Variants in NOTCH1 observed in about 807,000 individuals in gnomAD.
The protein encoded by NOTCH1 is neurogenic locus notch homolog protein 1.
A neutral mutation model predicts 254.8 loss-of-function variants in NOTCH1; 37 were observed. The observed-to-expected ratio is 0.15, with a 90% CI of 0.11 to 0.19. NOTCH1 has a LOEUF of 0.19. NOTCH1 is among the 10% of genes least tolerant of loss of function. NOTCH1 has a pLI of 1.00. For synonymous variants in NOTCH1, 1,731 were observed against 1,618.1 expected, an observed-to-expected ratio of 1.07 and a Z score of -1.68; for missense variants, 2,972 against 3,708.6, an observed-to-expected ratio of 0.80 and a Z score of 5.16.
rs1225363658 is a variant in NOTCH1, at chr9:136,522,889, G to A, written c.703C>T (p.Pro235Ser). ...CACTCGTGGGTGACGTCGCCCGTGG[G>A]GCGGCAGGTGCCCCCGTTCTGGCAG... is the stretch of plus-strand genomic sequence containing the variant. ...SPCQNGGTCR[P>S]TGDVTHECAC... Residue 235 changes from proline to serine, a missense_variant, in exon 4 of 34, where the codon CCC becomes TCC. Coordinates refer to ENST00000651671, the MANE Select transcript of NOTCH1 (RefSeq NM_017617.5). 2 of 1,533,242 alleles carry A rather than the reference G, an allele frequency of 1.3e-6. No homozygotes were observed. Among genetic ancestry groups the A allele is most frequent in the Non-Finnish European group, 8.8e-7 (1 of 1,138,322 alleles). 95.0% of individuals were successfully genotyped at this position (1,533,242 alleles called of 1,614,324 possible).
intron 25 of NOTCH1, 64 bp from the exon 26 acceptor site, chr9:136,505,168 C>T (rs1371767549): frequency 3.9e-6 from 6 of 1,557,890 alleles, no homozygotes; most frequent in East Asian, 2.3e-5. Context: ...CCGTCCGGTG[C>T]CTCCAGCCCA....
At chr9:136,541,975 A>T (rs537523823) in intron 2 of NOTCH1, among the ~76,000 whole-genome samples, 14 of 152,238 alleles carry the variant, frequency 9.2e-5, no homozygotes, top group Non-Finnish European at 1.5e-4. Context: ...CAAAGGGGAC[A>T]AGGCCAGGCA....
At chr9:136,529,740 G>T (rs1843528380) in intron 2 of NOTCH1, among the ~76,000 whole-genome samples, 1 of 152,276 alleles carries the variant, frequency 6.6e-6, no homozygotes, top group Non-Finnish European at 1.5e-5. Flanking sequence ...GCAGCCGCTG[G>T]GTCTTTCTTC....
At chr9:136,517,188 C>A in intron 9 of NOTCH1, 84 bp downstream of exon 9, 1 of 860,458 alleles carries the variant, frequency 1.2e-6, no homozygotes. Context: ...GGCCCGGGGG[C>A]AGGGGACACA....
chr9:136,539,018 G>C (rs1314035243), intron 2 of NOTCH1, among the ~76,000 whole-genome samples: 1 of 152,186 alleles, frequency 6.6e-6, no homozygotes, highest in Non-Finnish European at 1.5e-5. Context: ...GCCCATCACA[G>C]GTGCAGGGAA....
In NOTCH1 at chr9:136,518,783, G is replaced by T. The variant is rs750568399; in HGVS notation, c.907C>A (p.Pro303Thr). ...GTCCCGCCGTTCTGGCAGGCATTTG[G>T]CATCAGCTGGCACTCGTCCACATCC... ...TEDVDECQLM[P>T]NACQNGGTCH... is the part of the protein sequence containing the mutation. Residue 303 changes from proline to threonine, a missense_variant, in exon 6 of 34, where the codon CCA (proline) becomes ACA (threonine). Coordinates refer to ENST00000651671, the MANE Select transcript of NOTCH1 (RefSeq NM_017617.5). 1.2e-6 allele frequency: 2 copies of T among 1,612,836 alleles called. No homozygotes were observed. Among genetic ancestry groups the T allele is most frequent in the Non-Finnish European group, 1.7e-6 (2 of 1,179,988 alleles).
At chr9:136,516,400 A>C (rs1396725811) in intron 9 of NOTCH1, among the ~76,000 whole-genome samples, 1 of 152,160 alleles carries the variant, frequency 6.6e-6, no homozygotes, top group Non-Finnish European at 1.5e-5. Flanking sequence ...TGGGACGGGT[A>C]ATCTATGTCT....
At chr9:136,515,260 C>T (rs377286281) in intron 12 of NOTCH1, 30 bp downstream of exon 12, 244 of 1,593,360 alleles carry the variant, frequency 1.5e-4, no homozygotes, top group Non-Finnish European at 1.9e-4. Flanking sequence ...GAGCACAGTG[C>T]AGTCAGCCCC....
chr9:136,532,635 C>T (rs1013081605), intron 2 of NOTCH1, among the ~76,000 whole-genome samples: 5 of 152,310 alleles, frequency 3.3e-5, no homozygotes, highest in Admixed American at 3.3e-4. Flanking sequence ...CAAAAGAAGG[C>T]GCAACAATTC....
chr9:136,520,125 G>A (rs1455067305), intron 4 of NOTCH1, among the ~76,000 whole-genome samples: 2 of 150,848 alleles, frequency 1.3e-5, no homozygotes, highest in African/African-American at 2.4e-5. Context: ...CCCCTCCCCC[G>A]AGGTATGGCC....
intron 17 of NOTCH1, 161 bp downstream of exon 17, chr9:136,510,492 T>C (rs1843161507): frequency 7.4e-6 from 7 of 951,062 alleles, no homozygotes; most frequent in Non-Finnish European, 8.0e-6. Flanking sequence ...TGAACCACCC[T>C]GGCCATCCCT....
In NOTCH1 at chr9:136,506,464, C is replaced by A. The variant is rs1280708418; in HGVS notation, c.4014+63G>T. 13 of 1,444,750 alleles carry A rather than the reference C, an allele frequency of 9.0e-6. No homozygotes were observed. Among genetic ancestry groups the A allele is most frequent in the Non-Finnish European group, 1.2e-5 (13 of 1,057,200 alleles). 89.5% of individuals were successfully genotyped at this position (1,444,750 alleles called of 1,614,324 possible). ...TGCCCGGTCTGCGCCCCGAGGCCCC[C>A]ACGTGGACCTCTCCAGGTGTCTCCC... On this transcript the variant is annotated intron_variant, in intron 24 of 33. Coordinates refer to ENST00000651671, the MANE Select transcript of NOTCH1 (RefSeq NM_017617.5). This position sits in a 1 kb window ranked among gnomAD's most constrained non-coding sequence, Gnocchi z 4.5.
rs1306690306 is a variant in NOTCH1 at position 136,506,031 on chromosome 9, C to T, written c.4015-150G>A. The T allele has an allele frequency of 1.3e-5, 9 of 680,542 alleles. No homozygotes were observed. The Admixed American group carries it at 2.0e-4, about 15-fold the overall frequency. The allele number at this position is 680,542 out of a possible 1,614,324, so 42.2% of individuals were successfully genotyped here. A position where few individuals can be genotyped will look rare whatever the true frequency, so the allele number is the denominator to read the frequency against. On this transcript the variant is annotated intron_variant, in intron 24 of 33. Transcript: ENST00000651671. The surrounding 1 kb of genome is among the most constrained non-coding windows in gnomAD (Gnocchi z 4.5). ...TTGCCCCCAGCAGCAAAACCCTTTA[C>T]ACACATTCTACCAACAGAGAAAGAT...
intron 4 of NOTCH1, among the ~76,000 whole-genome samples, chr9:136,522,389 T>C (rs1843384629): frequency 6.6e-6 from 1 of 152,196 alleles, no homozygotes; most frequent in South Asian, 2.1e-4. Context: ...CGGGGAGCAC[T>C]GGGGACACGG....
rs1221959299 is a variant in NOTCH1 at position 136,505,712 on chromosome 9, T to C, written c.4184A>G (p.Asn1395Ser). 1 of 1,600,900 alleles carries C rather than the reference T, an allele frequency of 6.2e-7. No homozygotes were observed. ...ACAGGTCCCCTGGTTGTAGCAGGGG[T>C]TGCCGCCCAGGCAGGGGCTGCTGGC... ...FPASSPCLGG[N>S]PCYNQGTCEP... is the part of the protein sequence containing the mutation. Residue 1395 changes from asparagine (N) to serine (S), a missense_variant, in exon 25 of 34, where the codon AAC becomes AGC. Physicochemically the swap from Asn to Ser is conservative, Grantham distance 46. Transcript: ENST00000651671.
intron 5 of NOTCH1, 60 bp downstream of exon 5, chr9:136,519,383 T>C (rs1178549319): frequency 6.2e-7 from 1 of 1,604,668 alleles, no homozygotes; most frequent in Admixed American, 1.7e-5. Context: ...GAGTGCAGTT[T>C]AGTAAGTGGG....
rs747652440 is a variant in NOTCH1, at chr9:136,514,694, A to G, written c.2023T>C (p.Cys675Arg). ...GCACACTCATCGATGTTGATGTTAC[A>G]CATGCTCCCTAAGGGCAGGGCGGGT... ...ACEPGYTGSMCNINIDECAGN... is the reference protein window; with the variant it reads ...ACEPGYTGSMRNINIDECAGN... The change falls in exon 13 of 34, where the codon TGT becomes CGT. Residue 675 changes from cysteine (C) to arginine (R), a missense_variant. This residue lies in a region of NOTCH1 where 1,343 missense variants were observed against 1,557.0 expected (regional missense o/e 0.86). Coordinates refer to ENST00000651671, the MANE Select transcript of NOTCH1 (RefSeq NM_017617.5). The G allele has an allele frequency of 6.2e-7, 1 of 1,612,362 alleles. No individual in the cohort carries two copies. The highest frequency in any genetic ancestry group is 1.7e-5 in the Admixed American group (1 of 59,958).
At chr9:136,537,527 T>C (rs577398822) in intron 2 of NOTCH1, among the ~76,000 whole-genome samples, 4 of 152,260 alleles carry the variant, frequency 2.6e-5, no homozygotes, top group African/African-American at 7.2e-5. Context: ...CGGAACTAGA[T>C]AGTGGTTGAA....
chr9:136,505,930 C>G (rs1320878065), intron 24 of NOTCH1, 49 bp from the exon 25 acceptor site: 37 of 1,486,374 alleles, frequency 2.5e-5, no homozygotes, highest in Non-Finnish European at 3.2e-5. Context: ...CACCCCCCGC[C>G]CCCCCGCCAC....
Sources: allele counts gnomAD v4.1 joint callset (sites outside exome capture counted in the v4.1 genomes callset), GRCh38; gene constraint gnomAD v4.1.1; regional missense constraint gnomAD v4.1.1; non-coding constraint Gnocchi (gnomAD v3.1); transcripts MANE v1.5; gene names NCBI Gene and HGNC (gene_info 2026-07-23, HGNC 2026-07-21).